TPD52L1: variants seen among roughly 807,000 people sequenced by gnomAD.
TPD52L1 encodes the protein tumor protein D53.
A neutral mutation model predicts 28.7 loss-of-function variants in TPD52L1; 18 were observed. The ratio of observed to expected loss-of-function variants is 0.63; its 90% CI spans 0.43 to 0.93. TPD52L1 has a LOEUF of 0.93. Among genes scored for constraint, TPD52L1 ranks in the 40% least tolerant of loss-of-function variants. The pLI is 0.00. For synonymous variants in TPD52L1, 75 were observed against 88.8 expected (o/e 0.84, Z 0.88); for missense variants, 203 against 254.8 (o/e 0.80, Z 1.39).
intron 1 of TPD52L1, among the ~76,000 whole-genome samples, chr6:125,217,298 C>T (rs1251570461): frequency 1.3e-5 from 2 of 152,120 alleles, no homozygotes; most frequent in South Asian, 2.1e-4. Context: ...ATTATTATTA[C>T]ATTGTAATAT....
At chr6:125,244,259 T>A (rs1001400679) in intron 3 of TPD52L1, among the ~76,000 whole-genome samples, 1 of 152,226 alleles carries the variant, frequency 6.6e-6, no homozygotes, top group Non-Finnish European at 1.5e-5. Flanking sequence ...TCCCACTGTT[T>A]TATTTACTGA....
At chr6:125,160,778 T>C (rs1790467249) in intron 1 of TPD52L1, among the ~76,000 whole-genome samples, 1 of 152,202 alleles carries the variant, frequency 6.6e-6, no homozygotes, top group East Asian at 1.9e-4. Context: ...AGCCAGATCT[T>C]CTGGAGAGCT....
chr6:125,250,154 GT>G (rs1301499653), intron 4 of TPD52L1, among the ~76,000 whole-genome samples: 2 of 152,118 alleles, frequency 1.3e-5, no homozygotes, highest in Non-Finnish European at 2.9e-5. Flanking sequence ...TCTTCATACT[GT>G]GTTGAAATCT....
chr6:125,218,388 A>G (rs931650024), intron 1 of TPD52L1, among the ~76,000 whole-genome samples: 1 of 152,156 alleles, frequency 6.6e-6, no homozygotes, highest in Non-Finnish European at 1.5e-5. Context: ...GTTTATTAAC[A>G]TTTGTGATTT....
At chr6:125,239,346 T>C (rs1439826359) in intron 3 of TPD52L1, among the ~76,000 whole-genome samples, 5 of 152,142 alleles carry the variant, frequency 3.3e-5, no homozygotes, top group Non-Finnish European at 7.3e-5. Flanking sequence ...GATTGGGTAA[T>C]TTATAAAGAA....
At chr6:125,216,610 G>A (rs1794911755) in intron 1 of TPD52L1, among the ~76,000 whole-genome samples, 1 of 144,646 alleles carries the variant, frequency 6.9e-6, no homozygotes, top group African/African-American at 2.6e-5. Context: ...AGAAATACCA[G>A]AAAGGAAGGA....
chr6:125,214,954 A>G (rs568888), intron 1 of TPD52L1, among the ~76,000 whole-genome samples: 22,627 of 152,160 alleles, frequency 0.15, 2,061 homozygotes, highest in East Asian at 0.28. Context: ...CTAGAATTCC[A>G]GATCTCCTGA....
chr6:125,239,321 T>A (rs1363182342), intron 3 of TPD52L1, among the ~76,000 whole-genome samples: 1 of 152,142 alleles, frequency 6.6e-6, no homozygotes, highest in African/African-American at 2.4e-5. Context: ...ATGCTGCTGA[T>A]AAAGACATAC....
intron 1 of TPD52L1, among the ~76,000 whole-genome samples, chr6:125,219,512 G>A (rs1312491740): frequency 6.6e-6 from 1 of 152,204 alleles, no homozygotes; most frequent in Non-Finnish European, 1.5e-5. Context: ...GTGCATTCAA[G>A]TTGCAAGCTG....
intron 5 of TPD52L1, among the ~76,000 whole-genome samples, chr6:125,254,848 G>A (rs919922541): frequency 2.6e-5 from 4 of 152,100 alleles, no homozygotes; most frequent in African/African-American, 9.7e-5. Context: ...CTGTTCTCCA[G>A]CATGTATTCT....
intron 2 of TPD52L1, among the ~76,000 whole-genome samples, chr6:125,226,919 A>G (rs1795646370): frequency 6.6e-6 from 1 of 152,198 alleles, no homozygotes. Context: ...TTTTAAAATA[A>G]CAGTGTATTC....
At chr6:125,219,922 T>A (rs1008821000) in intron 1 of TPD52L1, 156 bp from the exon 2 acceptor site, 23 of 689,994 alleles carry the variant, frequency 3.3e-5, no homozygotes, top group Middle Eastern at 2.8e-4. Flanking sequence ...TTGGAGCTCG[T>A]CACACATTTA....
At chr6:125,181,400 G>C (rs186572813) in intron 1 of TPD52L1, among the ~76,000 whole-genome samples, 2 of 152,214 alleles carry the variant, frequency 1.3e-5, no homozygotes, top group Non-Finnish European at 2.9e-5. Flanking sequence ...GAGGGGTTTG[G>C]CGATGGTGTC....
intron 3 of TPD52L1, among the ~76,000 whole-genome samples, chr6:125,233,540 A>C (rs1796078026): frequency 6.6e-6 from 1 of 152,202 alleles, no homozygotes; most frequent in African/African-American, 2.4e-5. Context: ...GGCAGGAAGT[A>C]GATTCTTTTC....
intron 3 of TPD52L1, among the ~76,000 whole-genome samples, chr6:125,235,515 A>G (rs1288303397): frequency 2.0e-5 from 3 of 152,324 alleles, no homozygotes; most frequent in African/African-American, 7.2e-5. Context: ...CATGTGACCC[A>G]TAGGCCGCAG....
chr6:125,167,228 G>A (rs1392096470), intron 1 of TPD52L1, among the ~76,000 whole-genome samples: 2 of 152,128 alleles, frequency 1.3e-5, no homozygotes, highest in Non-Finnish European at 1.5e-5. Context: ...CTGGGTGACA[G>A]AGCAAGACCC....
chr6:125,222,184 C>T (rs1795285424), intron 2 of TPD52L1, among the ~76,000 whole-genome samples: 1 of 152,202 alleles, frequency 6.6e-6, no homozygotes, highest in East Asian at 1.9e-4. Context: ...CGGATTTTAC[C>T]TTCAATGCTA....
intron 1 of TPD52L1, among the ~76,000 whole-genome samples, chr6:125,190,525 G>GA (rs1474419630): frequency 6.6e-6 from 1 of 152,024 alleles, no homozygotes; most frequent in Non-Finnish European, 1.5e-5. Flanking sequence ...GTTTTGGGAT[G>GA]ACTCAAAAAC....
At chr6:125,204,565 C>T (rs896588471) in intron 1 of TPD52L1, among the ~76,000 whole-genome samples, 4 of 151,994 alleles carry the variant, frequency 2.6e-5, no homozygotes, top group Admixed American at 6.5e-5. Flanking sequence ...CTGCAAGCTC[C>T]GCCTCCTGGG....
Sources: allele counts gnomAD v4.1 joint callset (sites outside exome capture counted in the v4.1 genomes callset), GRCh38; gene constraint gnomAD v4.1.1; transcripts MANE v1.5; gene names NCBI Gene and HGNC (gene_info 2026-07-23, HGNC 2026-07-21).